Variants in GLYATL3 observed in about 807,000 individuals in gnomAD.
GLYATL3 encodes the protein glycine N-acyltransferase-like protein 3.
Under a neutral mutation model 28.5 loss-of-function variants are expected in GLYATL3, and 31 were observed. The observed-to-expected ratio is 1.09, with a 90% CI of 0.82 to 1.47. The LOEUF (loss-of-function observed/expected upper bound fraction) is 1.47. GLYATL3 is among the 40% of genes most tolerant of loss of function. The pLI is 0.00. For synonymous variants in GLYATL3, 141 were observed against 140.2 expected (o/e 1.01, Z -0.04); for missense variants, 369 against 351.5 (o/e 1.05, Z -0.40).
At position 49,527,598 on chromosome 6, in the gene GLYATL3, A is replaced by T. The variant is rs1210675190; in HGVS notation, c.*684A>T. On this transcript the variant is annotated 3_prime_UTR_variant, in exon 6 of 6. Transcript: ENST00000371197. ...GGTAGGGCCCAAAATTTGCATTTCT[A>T]ACAGCTTCCCACTGCTTATTTGCCT... Among the ~76,000 whole-genome samples, 3 of 152,144 alleles carry T rather than the reference A, an allele frequency of 2.0e-5. No homozygotes were observed.
intron 1 of GLYATL3, among the ~76,000 whole-genome samples, chr6:49,501,052 A>T (rs1348800732): frequency 6.6e-6 from 1 of 152,194 alleles, no homozygotes; most frequent in Non-Finnish European, 1.5e-5. Flanking sequence ...TGTGAGTTGC[A>T]TGAGTATAGT....
rs915734591 is a variant in GLYATL3, at chr6:49,525,366, G to A, written c.441-1122G>A. 5.3e-5 allele frequency among the ~76,000 whole-genome samples: 8 copies of A among 151,806 alleles called. No individual in the cohort carries two copies. In the East Asian group the frequency reaches 1.6e-3, roughly 30 times the overall value. Reference sequence around the variant, plus strand: ...GGATCACTGGAGTGCAGCAGTTGGAGGCCAGCCTAGCCAAAATGGTGAAAC... The same window carrying A: ...GGATCACTGGAGTGCAGCAGTTGGAAGCCAGCCTAGCCAAAATGGTGAAAC... On this transcript the variant is annotated intron_variant, in intron 5 of 5. Transcript: ENST00000371197.
intron 4 of GLYATL3, among the ~76,000 whole-genome samples, chr6:49,521,391 C>T (rs896336027): frequency 6.6e-6 from 1 of 152,132 alleles, no homozygotes; most frequent in Admixed American, 6.5e-5. Flanking sequence ...GAGATATTCC[C>T]ATCATAAGTT....
chr6:49,524,778 G>A (rs996887764), intron 5 of GLYATL3, among the ~76,000 whole-genome samples: 1 of 151,532 alleles, frequency 6.6e-6, no homozygotes, highest in East Asian at 1.9e-4. Context: ...TCAGGAATTC[G>A]AGACCAGCCT....
At chr6:49,505,677 A>AT (rs1262635947) in intron 1 of GLYATL3, among the ~76,000 whole-genome samples, 1 of 152,202 alleles carries the variant, frequency 6.6e-6, no homozygotes, top group African/African-American at 2.4e-5. Flanking sequence ...TTTAAACTTC[A>AT]TTTTTTGACA....
At chr6:49,511,927 C>G in intron 1 of GLYATL3, 36 bp from the exon 2 acceptor site, 1 of 796,332 alleles carries the variant, frequency 1.3e-6, no homozygotes, top group Non-Finnish European at 2.0e-6. Context: ...TATTAACAGG[C>G]AAAAATTAAA....
chr6:49,502,530 T>C (rs1768933578), intron 1 of GLYATL3, among the ~76,000 whole-genome samples: 1 of 152,234 alleles, frequency 6.6e-6, no homozygotes, highest in South Asian at 2.1e-4. Context: ...CCAATCACAT[T>C]GCATTTGAAA....
At chr6:49,514,691 AG>A (rs1244066308) in intron 2 of GLYATL3, among the ~76,000 whole-genome samples, 1 of 151,956 alleles carries the variant, frequency 6.6e-6, no homozygotes, top group Non-Finnish European at 1.5e-5. Flanking sequence ...TTAATTATCC[AG>A]GTGTGGTGGT....
chr6:49,521,561 C>T (rs1769316299), intron 4 of GLYATL3, 84 bp from the exon 5 acceptor site: 1 of 1,147,400 alleles, frequency 8.7e-7, no homozygotes, highest in East Asian at 2.6e-5. Context: ...TGATGATTCT[C>T]AGTATAAAAT....
intron 4 of GLYATL3, among the ~76,000 whole-genome samples, chr6:49,519,798 G>A (rs1769282222): frequency 6.6e-6 from 1 of 152,180 alleles, no homozygotes; most frequent in African/African-American, 2.4e-5. Context: ...AACCCAACAA[G>A]CTACCCAGAG....
rs936223885 is a variant in GLYATL3, at chr6:49,521,829, A to G, written c.440+58A>G. The G allele has an allele frequency of 5.5e-6, 8 of 1,447,262 alleles. No homozygotes were observed. The Admixed American group carries it at 8.6e-5, about 16-fold the overall frequency. 89.7% of individuals were successfully genotyped at this position (1,447,262 alleles called of 1,614,324 possible). ...GACTTACTGCTATAGAAGTACACGTAGCAGTAACTGGGGTACTTAGTATCA... is the reference window on the plus strand; with the variant it reads ...GACTTACTGCTATAGAAGTACACGTGGCAGTAACTGGGGTACTTAGTATCA... On this transcript the variant is annotated intron_variant, in intron 5 of 5. Coordinates refer to ENST00000371197, the MANE Select transcript of GLYATL3 (RefSeq NM_001010904.2).
intron 1 of GLYATL3, among the ~76,000 whole-genome samples, chr6:49,508,250 C>T (rs577323469): frequency 2.0e-5 from 3 of 152,094 alleles, no homozygotes; most frequent in Admixed American, 6.6e-5. Context: ...GAGCCGAGAT[C>T]GCACCACTGC....
chr6:49,513,105 T>C (rs757863530), intron 2 of GLYATL3, among the ~76,000 whole-genome samples: 1 of 152,140 alleles, frequency 6.6e-6, no homozygotes, highest in Non-Finnish European at 1.5e-5. Context: ...TTTCCAGAGA[T>C]AATGAAAAAA....
chr6:49,508,318 A>AACG (rs1769053744), intron 1 of GLYATL3, among the ~76,000 whole-genome samples: 1 of 151,874 alleles, frequency 6.6e-6, no homozygotes, highest in African/African-American at 2.4e-5. Context: ...CAACAACAAC[A>AACG]ACAACAACAA....
intron 5 of GLYATL3, among the ~76,000 whole-genome samples, chr6:49,525,693 G>A (rs753267848): frequency 5.9e-5 from 9 of 151,502 alleles, no homozygotes; most frequent in Non-Finnish European, 1.0e-4. Context: ...GATTTTATAC[G>A]CCAGACACAG....
In GLYATL3 at chr6:49,503,439, G is replaced by T. The variant is rs539909112; in HGVS notation, c.-29+3397G>T. On this transcript the variant is annotated intron_variant, in intron 1 of 5. Transcript: ENST00000371197. ...CCTTGGCTTTGGAGGGGCAACCCCT[G>T]CCCCTTTCCACTTAAAAGGAAAAAA... Among the ~76,000 whole-genome samples, 586 of 152,320 alleles carry T rather than the reference G, an allele frequency of 3.8e-3. 6 individuals carry two copies. The highest frequency in any genetic ancestry group is 0.013 in the African/African-American group (551 of 41,576).
intron 5 of GLYATL3, among the ~76,000 whole-genome samples, chr6:49,524,153 C>A (rs959900621): frequency 7.9e-5 from 12 of 151,914 alleles, no homozygotes; most frequent in African/African-American, 2.7e-4. Context: ...TCCTGAAACA[C>A]TTGCCTTAGC....
intron 4 of GLYATL3, among the ~76,000 whole-genome samples, chr6:49,520,607 G>C (rs775899647): frequency 4.6e-5 from 7 of 152,178 alleles, no homozygotes; most frequent in African/African-American, 9.6e-5. Flanking sequence ...CATGGGAAGA[G>C]GGGAAGTCAG....
Position 49,521,738 on chromosome 6 carries a change from C to A in GLYATL3, c.407C>A (p.Ser136Tyr). 6.4e-7 allele frequency: 1 copy of A among 1,551,432 alleles called. No homozygotes were observed. The highest frequency in any genetic ancestry group is 8.7e-7 in the Non-Finnish European group (1 of 1,146,826). The change falls in exon 5 of 6, where the codon TCT (serine) becomes TAT (tyrosine). Residue 136 changes from serine (S) to tyrosine (Y), a missense_variant. By Grantham distance (144) the Ser-to-Tyr change is moderately radical. Coordinates refer to ENST00000371197, the MANE Select transcript of GLYATL3 (RefSeq NM_001010904.2). ...KLTSFKAVHF[S>Y]PVSSLPDTSF... is the part of the protein sequence containing the mutation. Reference sequence around the variant, plus strand: ...ACTTCCTTCAAGGCTGTTCATTTTTCTCCTGTTTCATCTCTGCCAGATACC... The same window carrying A: ...ACTTCCTTCAAGGCTGTTCATTTTTATCCTGTTTCATCTCTGCCAGATACC...
Sources: gnomAD v4.1 joint callset for allele counts (sites outside exome capture counted in the v4.1 genomes callset) on GRCh38, gnomAD v4.1.1 for gene constraint, MANE v1.5 for transcripts, NCBI Gene and HGNC (gene_info 2026-07-23, HGNC 2026-07-21) for gene names.